Variants in TG observed in about 807,000 individuals in gnomAD.
The protein encoded by TG is thyroglobulin, also known as thyroid hormones.
Under a neutral mutation model 324.7 loss-of-function variants are expected in TG, and 270 were observed. The observed-to-expected ratio is 0.83, with a 90% CI of 0.75 to 0.92. The LOEUF (loss-of-function observed/expected upper bound fraction) is 0.92, where lower values mean the gene tolerates loss of function less well. TG is among the 40% of genes least tolerant of loss of function. TG has a pLI of 0.00. For synonymous variants in TG, 1,401 were observed against 1,327.0 expected (o/e 1.06, Z -1.21); for missense variants, 3,591 against 3,456.4 (o/e 1.04, Z -0.98).
chr8:132,963,060 C>T lies in TG; in HGVS notation c.5534C>T (p.Ser1845Phe). ...CRKDTVPRPA[S>F]PTEAGLTTEL... The stretch of plus-strand genomic sequence containing the variant: ...AAAGACACAGTGCCAAGGCCAGCAT[C>T]TCCAACAGAAGCAGGTACTGACCCC... Residue 1845 changes from serine to phenylalanine, a missense_variant, in exon 29 of 48, where the codon TCT (serine) becomes TTT (phenylalanine). Ser to Phe is a radical substitution (Grantham distance 155, BLOSUM62 -2). Transcript: ENST00000220616. The T allele has an allele frequency of 1.2e-6, 2 of 1,614,032 alleles. No individual in the cohort carries two copies. The highest frequency in any genetic ancestry group is 1.7e-6 in the Non-Finnish European group (2 of 1,179,908).
Position 132,958,721 on chromosome 8 carries a change from A to AAAG in TG, c.5402-2287_5402-2286insAAG, listed in dbSNP as rs57337418. ...GCAAGACTTTGTCTCAAAAAAAAAA[A>AAAG]GTTTCAAAAAAATTATCTGATTTCC... On this transcript the variant is annotated intron_variant, in intron 27 of 47. Transcript: ENST00000220616. 2.0e-5 allele frequency among the ~76,000 whole-genome samples: 3 copies of AAAG among 151,470 alleles called. No individual in the cohort carries two copies. The East Asian group carries it at 5.8e-4, about 29-fold the overall frequency.
At chr8:133,091,463 C>T (rs1420672499) in intron 41 of TG, among the ~76,000 whole-genome samples, 1 of 152,162 alleles carries the variant, frequency 6.6e-6, no homozygotes, top group African/African-American at 2.4e-5. Context: ...TAGCTGCCCA[C>T]CCCGCTTCTT....
Position 133,134,722 on chromosome 8 carries a change from G to A in TG, c.8235G>A (p.Leu2745=), listed in dbSNP as rs368489792. 29 of 1,613,962 alleles carry A rather than the reference G, an allele frequency of 1.8e-5. No homozygotes were observed. The highest frequency in any genetic ancestry group is 2.3e-5 in the Non-Finnish European group (27 of 1,179,982). Residue 2745 remains leucine, a synonymous_variant, in exon 48 of 48, where the codon TTG becomes TTA. Transcript: ENST00000220616. Reference sequence around the variant, plus strand: ...CAGCAGAGAGTGAAGAGGAGGAGTTGACGGCTGGATCTGGGCTAAGAGAAG... The same window carrying A: ...CAGCAGAGAGTGAAGAGGAGGAGTTAACGGCTGGATCTGGGCTAAGAGAAG... The part of the protein sequence containing the change: ...GQSAESEEEE[L]TAGSGLREDL...
At chr8:132,912,635 A>G (rs1421429912) in intron 19 of TG, among the ~76,000 whole-genome samples, 4 of 151,834 alleles carry the variant, frequency 2.6e-5, no homozygotes, top group African/African-American at 7.3e-5. Context: ...ACCCTTACCA[A>G]CTGCAAAGAG....
At chr8:132,922,493 G>A (rs895515059) in intron 21 of TG, among the ~76,000 whole-genome samples, 2 of 152,192 alleles carry the variant, frequency 1.3e-5, no homozygotes, top group African/African-American at 2.4e-5. Context: ...AATGGGAATT[G>A]TAACAGTGTG....
chr8:132,979,302 T>G (rs901117231), intron 34 of TG, among the ~76,000 whole-genome samples: 1 of 152,210 alleles, frequency 6.6e-6, no homozygotes, highest in African/African-American at 2.4e-5. Flanking sequence ...TGTCTGCAAG[T>G]GGGGCAAGAT....
intron 43 of TG, among the ~76,000 whole-genome samples, chr8:133,098,311 C>G (rs1163765103): frequency 6.6e-6 from 1 of 152,004 alleles, no homozygotes; most frequent in African/African-American, 2.4e-5. Flanking sequence ...GTACTAATAC[C>G]CTGAATTATT....
chr8:132,965,711 G>T (rs912277687), intron 29 of TG, among the ~76,000 whole-genome samples: 1 of 152,196 alleles, frequency 6.6e-6, no homozygotes, highest in African/African-American at 2.4e-5. Flanking sequence ...AGCACAAGCT[G>T]CACTAGCTGG....
chr8:132,997,536 G>A (rs2130806881), intron 35 of TG, among the ~76,000 whole-genome samples: 1 of 152,212 alleles, frequency 6.6e-6, no homozygotes, highest in African/African-American at 2.4e-5. Flanking sequence ...AAGAGCAGCT[G>A]GAGACAGGGG....
At chr8:132,927,653 A>C (rs1399643573) in intron 22 of TG, among the ~76,000 whole-genome samples, 1 of 152,078 alleles carries the variant, frequency 6.6e-6, no homozygotes, top group Non-Finnish European at 1.5e-5. Context: ...GAAGATCTCT[A>C]TCACCAAGGT....
chr8:133,038,627 T>G (rs766832969), intron 41 of TG: 2 of 1,613,816 alleles, frequency 1.2e-6, no homozygotes, highest in East Asian at 4.5e-5. Context: ...GGAGGTGTTG[T>G]CCTCACTGGT....
At chr8:133,107,079 G>A (rs2958677) in intron 43 of TG, among the ~76,000 whole-genome samples, 47,939 of 152,106 alleles carry the variant, frequency 0.32, 8,199 homozygotes, top group African/African-American at 0.44. Flanking sequence ...TGTCTCCCAT[G>A]TGTCAGCCTC....
At position 132,911,371 on chromosome 8, in the gene TG, T is replaced by C; in HGVS notation, c.4003-6T>C. The C allele has an allele frequency of 6.2e-7, 1 of 1,614,212 alleles. No individual in the cohort carries two copies. Among genetic ancestry groups the C allele is most frequent in the South Asian group, 1.1e-5 (1 of 91,080 alleles). ...TCTTGAGCTGAAAGTGTCTGTCTTC[T>C]TGTAGGTGAAGACTTTTGGCACCCT... On this transcript the variant is annotated splice_polypyrimidine_tract_variant and splice_region_variant and intron_variant, in intron 18 of 47. Coordinates refer to ENST00000220616, the MANE Select transcript of TG (RefSeq NM_003235.5).
intron 35 of TG, among the ~76,000 whole-genome samples, chr8:132,999,266 T>C (rs540996779): frequency 1.3e-4 from 19 of 151,994 alleles, no homozygotes; most frequent in Non-Finnish European, 2.2e-4. Flanking sequence ...GCTTTTTGAT[T>C]GGGGGAAGGT....
At chr8:133,095,238 A>G in intron 42 of TG, 30 bp downstream of exon 42, 1 of 1,614,190 alleles carries the variant, frequency 6.2e-7, no homozygotes, top group East Asian at 2.2e-5. Flanking sequence ...TTGGGAAGGG[A>G]CATTCTCTGG....
At chr8:132,872,465 A>G (rs191073312) in intron 4 of TG, among the ~76,000 whole-genome samples, 4,150 of 138,968 alleles carry the variant, frequency 0.03, 156 homozygotes, top group East Asian at 0.084. Flanking sequence ...GCGGCAGAGC[A>G]AGACTCCGTC....
rs980339056 is a variant in TG, at chr8:133,071,680, G to A, written c.7240-23364G>A. ...GGGGGAGGAGGCGCACCTGCAAACT[G>A]GAGGGAACACGTTCAGCTCCCAGGG... On this transcript the variant is annotated intron_variant, in intron 41 of 47. Transcript: ENST00000220616. 3.9e-5 allele frequency among the ~76,000 whole-genome samples: 6 copies of A among 152,168 alleles called. No homozygotes were observed. In the South Asian group the frequency reaches 8.3e-4, roughly 21 times the overall value.
At chr8:133,048,111 G>A (rs1564115234) in intron 41 of TG, among the ~76,000 whole-genome samples, 1 of 152,210 alleles carries the variant, frequency 6.6e-6, no homozygotes, top group African/African-American at 2.4e-5. Flanking sequence ...TGATTAAGTA[G>A]TTTGCTCAGG....
intron 34 of TG, among the ~76,000 whole-genome samples, chr8:132,978,550 G>T (rs961356830): frequency 6.6e-6 from 1 of 152,174 alleles, no homozygotes; most frequent in Non-Finnish European, 1.5e-5. Context: ...GATGTGGCTT[G>T]TATTACTGTA....
Sources: gnomAD v4.1 joint callset for allele counts (sites outside exome capture counted in the v4.1 genomes callset) on GRCh38, gnomAD v4.1.1 for gene constraint, MANE v1.5 for transcripts, NCBI Gene and HGNC (gene_info 2026-07-23, HGNC 2026-07-21) for gene names.